HEATR5A: variants seen among roughly 807,000 people sequenced by gnomAD.
HEATR5A encodes HEAT repeat containing 5A, also known as HEAT repeat-containing protein 5A.
HEATR5A carries 178 observed loss-of-function variants against 218.8 expected under a neutral mutation model. The ratio of observed to expected loss-of-function variants is 0.81; its 90% CI spans 0.72 to 0.92. HEATR5A has a LOEUF of 0.92. Among genes scored for constraint, HEATR5A ranks in the 40% least tolerant of loss-of-function variants. HEATR5A has a pLI of 0.00. For missense variants in HEATR5A, 2,420 were observed against 2,418.9 expected (o/e 1.00, Z -0.01); for synonymous variants, 864 against 871.6 (o/e 0.99, Z 0.15).
intron 16 of HEATR5A, 141 bp from the exon 17 acceptor site, chr14:31,350,858 A>C: frequency 1.8e-6 from 1 of 546,744 alleles, no homozygotes; most frequent in Non-Finnish European, 3.2e-6. Flanking sequence ...GCTCACTACA[A>C]CCTCCACCTT....
chr14:31,355,361 C>T (rs568406515), intron 16 of HEATR5A, among the ~76,000 whole-genome samples: 14 of 151,928 alleles, frequency 9.2e-5, no homozygotes, highest in Middle Eastern at 3.4e-3. Flanking sequence ...TGCAGTGAGC[C>T]GAGATGGTGC....
In HEATR5A at chr14:31,367,569, ATTTTTTTTTTT is replaced by A. The variant is rs567217496; in HGVS notation, c.1962-3282_1962-3272del. Reference sequence around the variant, plus strand: ...CATGTGCCACCACTATGCCCAGCTAATTTTTTTTTTTTTTTTTTTTTTTTTTTTTAGTACAG... The same window carrying A: ...CATGTGCCACCACTATGCCCAGCTAATTTTTTTTTTTTTTTTTTAGTACAG... On this transcript the variant is annotated intron_variant, in intron 13 of 35. Transcript: ENST00000543095. Among the ~76,000 whole-genome samples the A allele has an allele frequency of 2.1e-3, 127 of 60,320 alleles. 1 individual carries two copies. The highest frequency in any genetic ancestry group is 0.019 in the Middle Eastern group (1 of 52). 39.6% of individuals were successfully genotyped at this position (60,320 alleles called of 152,430 possible).
intron 14 of HEATR5A, among the ~76,000 whole-genome samples, chr14:31,363,522 C>T (rs1183429653): frequency 6.6e-6 from 1 of 152,116 alleles, no homozygotes; most frequent in Non-Finnish European, 1.5e-5. Flanking sequence ...ATCCTGATTC[C>T]ACTCTTTATC....
intron 33 of HEATR5A, among the ~76,000 whole-genome samples, chr14:31,299,243 C>T (rs1020494264): frequency 1.3e-5 from 2 of 152,164 alleles, no homozygotes; most frequent in African/African-American, 2.4e-5. Flanking sequence ...ACGCTTTCAA[C>T]TCCTAAATCA....
intron 13 of HEATR5A, among the ~76,000 whole-genome samples, chr14:31,364,961 G>C (rs1169268231): frequency 6.6e-6 from 1 of 151,762 alleles, no homozygotes. Flanking sequence ...TGCAACCTCC[G>C]CCTCCCGAGT....
At chr14:31,378,410 G>A (rs2029869684) in intron 11 of HEATR5A, among the ~76,000 whole-genome samples, 1 of 152,190 alleles carries the variant, frequency 6.6e-6, no homozygotes, top group Non-Finnish European at 1.5e-5. Flanking sequence ...CTCACAGGCT[G>A]TATAATAAAT....
Position 31,395,190 on chromosome 14 carries a change from T to C in HEATR5A, c.597+9A>G. ...TAATTTTTAAAGTCTGCTTATTAGA[T>C]CATTTTACCTTTGCAGCAGCACAAC... On this transcript the variant is annotated intron_variant, in intron 5 of 35. Coordinates refer to ENST00000543095, the MANE Select transcript of HEATR5A (RefSeq NM_015473.4). 1 of 1,484,480 alleles carries C rather than the reference T, an allele frequency of 6.7e-7. No homozygotes were observed. The highest frequency in any genetic ancestry group is 8.9e-7 in the Non-Finnish European group (1 of 1,119,116). The allele number at this position is 1,484,480 out of a possible 1,614,324, so 92.0% of individuals were successfully genotyped here.
intron 21 of HEATR5A, among the ~76,000 whole-genome samples, chr14:31,343,161 C>T (rs950904253): frequency 1.3e-5 from 2 of 151,280 alleles, no homozygotes; most frequent in African/African-American, 2.4e-5. Flanking sequence ...GGCACGATCT[C>T]GGCTCACTGC....
intron 13 of HEATR5A, 115 bp downstream of exon 13, chr14:31,371,695 G>T: frequency 4.4e-6 from 2 of 451,804 alleles, no homozygotes; most frequent in South Asian, 6.0e-5. Context: ...ATAACTAACT[G>T]ATTGCCTTCC....
At chr14:31,348,010 A>G (rs1901077478) in intron 18 of HEATR5A, 103 bp from the exon 19 acceptor site, 1 of 601,264 alleles carries the variant, frequency 1.7e-6, no homozygotes. Flanking sequence ...TTTTATATGG[A>G]TAGTTGCAAA....
At position 31,315,826 on chromosome 14, in the gene HEATR5A, A is replaced by G. The variant is rs1275379509; in HGVS notation, c.4162T>C (p.Tyr1388His). The G allele has an allele frequency of 6.8e-6, 11 of 1,613,256 alleles. No individual in the cohort carries two copies. The highest frequency in any genetic ancestry group is 1.7e-5 in the Admixed American group (1 of 59,956). ...TCCATGGTAGAAGCACTTTCATTAT[A>G]TAAGTGACTTAGAGCTTCTTTTCCA... is the stretch of plus-strand genomic sequence containing the variant. ...QAGKEALSHL[Y>H]NESASTMEIL... Residue 1388 changes from tyrosine (Y) to histidine (H), a missense_variant, in exon 27 of 36, where the codon TAT (tyrosine) becomes CAT (histidine). By Grantham distance (83) the Tyr-to-His change is moderately conservative. Coordinates refer to ENST00000543095, the MANE Select transcript of HEATR5A (RefSeq NM_015473.4).
chr14:31,365,658 G>A (rs954130096), intron 13 of HEATR5A, among the ~76,000 whole-genome samples: 5 of 145,572 alleles, frequency 3.4e-5, no homozygotes, highest in Admixed American at 1.4e-4. Context: ...CATGCCCAGC[G>A]TGTACTTTTT....
At chr14:31,377,649 G>A (rs1344902675) in intron 11 of HEATR5A, among the ~76,000 whole-genome samples, 1 of 151,978 alleles carries the variant, frequency 6.6e-6, no homozygotes, top group African/African-American at 2.4e-5. Context: ...AGGCAGGGTG[G>A]TGCACACAGT....
intron 6 of HEATR5A, among the ~76,000 whole-genome samples, chr14:31,390,729 G>A (rs764770965): frequency 6.6e-6 from 1 of 152,064 alleles, no homozygotes; most frequent in Non-Finnish European, 1.5e-5. Flanking sequence ...CTACTACACT[G>A]CCAGTCATGT....
chr14:31,337,157 GTAAAAATACAGATT>G (rs1396644104), intron 22 of HEATR5A, among the ~76,000 whole-genome samples: 1 of 152,194 alleles, frequency 6.6e-6, no homozygotes, highest in Admixed American at 6.5e-5. Context: ...CATAGGGACT[GTAAAAATACAGATT>G]TAAAAATACA....
At chr14:31,418,624 C>T (rs1031032100) in intron 1 of HEATR5A, among the ~76,000 whole-genome samples, 3 of 152,196 alleles carry the variant, frequency 2.0e-5, no homozygotes, top group African/African-American at 7.2e-5. Flanking sequence ...GATTTAATAA[C>T]AGTTTCTCAA....
At chr14:31,349,247 G>A (rs999028924) in intron 18 of HEATR5A, among the ~76,000 whole-genome samples, 4 of 152,100 alleles carry the variant, frequency 2.6e-5, no homozygotes, top group Non-Finnish European at 4.4e-5. Flanking sequence ...AAAAGTAGCC[G>A]GGTGGTGGCA....
At chr14:31,412,363 G>C (rs905974942) in intron 1 of HEATR5A, among the ~76,000 whole-genome samples, 4 of 151,618 alleles carry the variant, frequency 2.6e-5, no homozygotes, top group Non-Finnish European at 1.5e-5. Context: ...TTGGGAGGTC[G>C]AGGCGGGTGG....
chr14:31,309,424 T>C (rs1899664250), intron 28 of HEATR5A, among the ~76,000 whole-genome samples: 2 of 152,228 alleles, frequency 1.3e-5, no homozygotes, highest in Non-Finnish European at 2.9e-5. Context: ...GTGACTAATA[T>C]ATTGTTAACA....
Sources: allele counts gnomAD v4.1 joint callset (sites outside exome capture counted in the v4.1 genomes callset), GRCh38; gene constraint gnomAD v4.1.1; transcripts MANE v1.5; gene names NCBI Gene and HGNC (gene_info 2026-07-23, HGNC 2026-07-21).